The following CNTN5 variants were observed in gnomAD, a reference collection of about 807,000 sequenced individuals.
CNTN5 encodes contactin 5.
CNTN5 carries 77 observed loss-of-function variants against 129.1 expected under a neutral mutation model. The ratio of observed to expected loss-of-function variants is 0.60; its 90% CI spans 0.50 to 0.72. The LOEUF is 0.72. CNTN5 is among the 30% of genes least tolerant of loss of function. CNTN5 has a pLI of 0.00. For missense variants in CNTN5, 1,478 were observed against 1,328.8 expected, an observed-to-expected ratio of 1.11 and a Z score of -1.75; for synonymous variants, 509 against 465.6, an observed-to-expected ratio of 1.09 and a Z score of -1.20.
At chr11:99,807,324 T>G (rs998669329) in intron 3 of CNTN5, among the ~76,000 whole-genome samples, 1 of 152,194 alleles carries the variant, frequency 6.6e-6, no homozygotes, top group African/African-American at 2.4e-5. Flanking sequence ...TTCTCTGATA[T>G]TCCTAGGAAA....
chr11:99,032,537 A>C (rs907213058), intron 1 of CNTN5, among the ~76,000 whole-genome samples: 18 of 151,572 alleles, frequency 1.2e-4, no homozygotes, highest in African/African-American at 4.4e-4. Context: ...GCATTTTTTC[A>C]TGTGTTTTTT....
chr11:99,258,802 G>A (rs1237160162), intron 1 of CNTN5, among the ~76,000 whole-genome samples: 1 of 151,904 alleles, frequency 6.6e-6, no homozygotes, highest in Admixed American at 6.6e-5. Context: ...TATTTAGTCA[G>A]TAGGTAAAAA....
chr11:99,690,227 T>A (rs189704386), intron 3 of CNTN5, among the ~76,000 whole-genome samples: 42 of 152,286 alleles, frequency 2.8e-4, no homozygotes, highest in African/African-American at 7.5e-4. Context: ...TCATCAAAGA[T>A]CAGATGGTTA....
At position 99,368,481 on chromosome 11, in the gene CNTN5, T is replaced by G. The variant is rs1284218768; in HGVS notation, c.-71+42997T>G. Among the ~76,000 whole-genome samples the G allele has an allele frequency of 7.0e-5, 10 of 143,538 alleles. No individual in the cohort carries two copies. The South Asian group carries it at 2.0e-3, about 28-fold the overall frequency. 94.2% of individuals were successfully genotyped at this position (143,538 alleles called of 152,430 possible). On this transcript the variant is annotated intron_variant, in intron 2 of 24. Coordinates refer to ENST00000524871, the MANE Select transcript of CNTN5 (RefSeq NM_014361.4). ...ACATAGTGCAACTCTTGTCTTAAAT[T>G]AAAAAAAAAAAAATTGAAAATATAA...
intron 6 of CNTN5, among the ~76,000 whole-genome samples, chr11:99,901,681 G>A (rs1949361964): frequency 6.6e-6 from 1 of 151,876 alleles, no homozygotes; most frequent in Admixed American, 6.6e-5. Flanking sequence ...ATTCATTCAG[G>A]AATATCTATT....
chr11:99,681,173 G>A (rs536294852), intron 3 of CNTN5, among the ~76,000 whole-genome samples: 321 of 152,160 alleles, frequency 2.1e-3, no homozygotes, highest in Non-Finnish European at 3.4e-3. Flanking sequence ...TACTCCTGGT[G>A]AAGATGCTGT....
chr11:99,465,102 T>C (rs1046493714), intron 2 of CNTN5, among the ~76,000 whole-genome samples: 12 of 152,326 alleles, frequency 7.9e-5, no homozygotes, highest in African/African-American at 2.4e-4. Flanking sequence ...GTTAATAGTG[T>C]ATGTTAGGAA....
chr11:99,947,240 A>T (rs1039750982), intron 7 of CNTN5, among the ~76,000 whole-genome samples: 1 of 151,354 alleles, frequency 6.6e-6, no homozygotes, highest in African/African-American at 2.4e-5. Context: ...ACTAAAAAAA[A>T]CCCCAGCCAA....
At position 100,002,018 on chromosome 11, in the gene CNTN5, A is replaced by G. The variant is rs374266840; in HGVS notation, c.878-16A>G. 19 of 1,502,878 alleles carry G rather than the reference A, an allele frequency of 1.3e-5. No homozygotes were observed. The highest frequency in any genetic ancestry group is 1.5e-5 in the Non-Finnish European group (16 of 1,100,546). 93.1% of individuals were successfully genotyped at this position (1,502,878 alleles called of 1,614,324 possible). A position where few individuals can be genotyped will look rare whatever the true frequency, so the allele number is the denominator to read the frequency against. On this transcript the variant is annotated splice_polypyrimidine_tract_variant and intron_variant, in intron 8 of 24. Coordinates refer to ENST00000524871, the MANE Select transcript of CNTN5 (RefSeq NM_014361.4). ...AACATTCATTTGATGCTTAAAGACTATTCTTTCTTTCTAAGGTGTGATGGG... is the reference window on the plus strand; with the variant it reads ...AACATTCATTTGATGCTTAAAGACTGTTCTTTCTTTCTAAGGTGTGATGGG...
chr11:99,338,306 A>G (rs1428728085), intron 2 of CNTN5, among the ~76,000 whole-genome samples: 1 of 152,112 alleles, frequency 6.6e-6, no homozygotes, highest in Non-Finnish European at 1.5e-5. Context: ...AACTGCTTTT[A>G]TTGAATTGCA....
chr11:100,251,565 A>T (rs1591437897), intron 16 of CNTN5, among the ~76,000 whole-genome samples: 1 of 151,886 alleles, frequency 6.6e-6, no homozygotes, highest in South Asian at 2.1e-4. Context: ...ATCTCTCCCT[A>T]TGCTATTCTC....
At chr11:99,710,115 C>T (rs1310515078) in intron 3 of CNTN5, among the ~76,000 whole-genome samples, 1 of 151,690 alleles carries the variant, frequency 6.6e-6, no homozygotes, top group Non-Finnish European at 1.5e-5. Flanking sequence ...CTAATTTTAT[C>T]CCTGAACTCA....
Position 99,839,960 on chromosome 11 carries a change from A to C in CNTN5, c.278-4892A>C, listed in dbSNP as rs77130319. Among the ~76,000 whole-genome samples the C allele has an allele frequency of 8.0e-3, 1,211 of 152,238 alleles. 13 individuals are homozygous for C. The highest frequency in any genetic ancestry group is 0.028 in the African/African-American group (1,143 of 41,538). On this transcript the variant is annotated intron_variant, in intron 4 of 24. Transcript: ENST00000524871. The stretch of plus-strand genomic sequence containing the variant: ...AATTTTCCTGAAAAAGAAAGTCATA[A>C]GACTGAAAGTTAAAAAGGCCAACTG...
chr11:99,480,175 T>C lies in CNTN5; in HGVS notation c.-70-75970T>C, dbSNP rs527801813. 3.9e-5 allele frequency among the ~76,000 whole-genome samples: 6 copies of C among 152,342 alleles called. No homozygotes were observed. The South Asian group carries it at 1.2e-3, about 32-fold the overall frequency. On this transcript the variant is annotated intron_variant, in intron 2 of 24. Transcript: ENST00000524871. The stretch of plus-strand genomic sequence containing the variant: ...ATGGAGTGTTAGTTGTCTGTGGAAG[T>C]ACACCTATTAATATAAAATATGCTC...
rs1950522482 is a variant in CNTN5 at position 100,276,771 on chromosome 11, G to A, written c.2314+5530G>A. On this transcript the variant is annotated intron_variant, in intron 18 of 24. Coordinates refer to ENST00000524871, the MANE Select transcript of CNTN5 (RefSeq NM_014361.4). ...TTAGTAATCATATCAGGATAAATAG[G>A]GTATTCATCCCCTCAAGCATCTATC... 2.0e-5 allele frequency among the ~76,000 whole-genome samples: 3 copies of A among 151,788 alleles called. No individual in the cohort carries two copies. The South Asian group carries it at 6.3e-4, about 32-fold the overall frequency.
intron 6 of CNTN5, among the ~76,000 whole-genome samples, chr11:99,850,371 C>A (rs528601296): frequency 8.5e-5 from 13 of 152,066 alleles, no homozygotes; most frequent in Admixed American, 2.6e-4. Context: ...CTAGCTTTCG[C>A]AGAAAATGAT....
At chr11:99,109,517 G>T (rs542448287) in intron 1 of CNTN5, among the ~76,000 whole-genome samples, 2 of 152,044 alleles carry the variant, frequency 1.3e-5, no homozygotes, top group African/African-American at 4.8e-5. Flanking sequence ...AGTTGCAACT[G>T]CCTCTTTAAA....
intron 6 of CNTN5, among the ~76,000 whole-genome samples, chr11:99,874,218 G>T (rs1948577565): frequency 6.6e-6 from 1 of 152,178 alleles, no homozygotes; most frequent in Admixed American, 6.5e-5. Flanking sequence ...AAATAAAAAA[G>T]ATATGTCTGT....
At chr11:99,779,243 T>C (rs1458030985) in intron 3 of CNTN5, among the ~76,000 whole-genome samples, 1 of 151,862 alleles carries the variant, frequency 6.6e-6, no homozygotes, top group Non-Finnish European at 1.5e-5. Flanking sequence ...CAAGAAAAAA[T>C]TCAGAAGAAA....
Sources: allele counts gnomAD v4.1 joint callset (sites outside exome capture counted in the v4.1 genomes callset), GRCh38; gene constraint gnomAD v4.1.1; transcripts MANE v1.5; gene names NCBI Gene and HGNC (gene_info 2026-07-23, HGNC 2026-07-21).